The following GALNT13 variants were observed in gnomAD, a reference collection of about 807,000 sequenced individuals.
GALNT13 encodes the protein polypeptide N-acetylgalactosaminyltransferase 13, also known as UDP-GalNAc:polypeptide N-acetylgalactosaminyltransferase 13.
Under a neutral mutation model 64.2 loss-of-function variants are expected in GALNT13, and 28 were observed. The observed-to-expected ratio is 0.44, with a 90% CI of 0.32 to 0.60. GALNT13 has a LOEUF of 0.60. GALNT13 is among the 20% of genes least tolerant of loss of function. GALNT13 has a pLI of 0.05. For missense variants in GALNT13, 577 were observed against 669.8 expected (o/e 0.86, Z 1.53); for synonymous variants, 214 against 224.6 (o/e 0.95, Z 0.42).
chr2:154,278,837 G>A (rs149534636), intron 8 of GALNT13, among the ~76,000 whole-genome samples: 5 of 152,056 alleles, frequency 3.3e-5, no homozygotes, highest in African/African-American at 4.8e-5. Context: ...ACATTTGCCC[G>A]CAAATAAGAA....
At chr2:153,333,818 C>T in the GALNT13 span, among the ~76,000 whole-genome samples, 50 of 152,244 alleles carry the variant, frequency 3.3e-4, no homozygotes, top group South Asian at 1.5e-3. Context: ...TGCTTTTTAA[C>T]GCATTTATTC....
At chr2:153,649,328 T>C in the GALNT13 span, among the ~76,000 whole-genome samples, 1 of 152,156 alleles carries the variant, frequency 6.6e-6, no homozygotes. Context: ...TATCATTTTT[T>C]ATTGCGTCTG....
chr2:153,893,516 A>G (rs1322491280), intron 1 of GALNT13, among the ~76,000 whole-genome samples: 1 of 152,234 alleles, frequency 6.6e-6, no homozygotes, highest in South Asian at 2.1e-4. Context: ...AACAATGTTA[A>G]CATTTCACTG....
At chr2:154,145,096 C>CTA (rs1306928627) in intron 4 of GALNT13, among the ~76,000 whole-genome samples, 6,313 of 123,462 alleles carry the variant, frequency 0.051, 186 homozygotes, top group Non-Finnish European at 0.064. Flanking sequence ...ATCTATCTAT[C>CTA]TATCTATATA....
At chr2:153,691,575 G>A in the GALNT13 span, among the ~76,000 whole-genome samples, 1 of 151,688 alleles carries the variant, frequency 6.6e-6, no homozygotes, top group Admixed American at 6.6e-5. Flanking sequence ...AACCATTAGT[G>A]AAAAAAATGG....
chr2:153,847,779 G>T, the GALNT13 span, among the ~76,000 whole-genome samples: 9 of 152,184 alleles, frequency 5.9e-5, no homozygotes, highest in Non-Finnish European at 1.2e-4. Flanking sequence ...TTCCAGAAGT[G>T]CTCCTTAATT....
the GALNT13 span, among the ~76,000 whole-genome samples, chr2:153,608,657 CAT>C: frequency 4.7e-3 from 685 of 146,536 alleles, 5 homozygotes; most frequent in African/African-American, 0.016. Context: ...TATAGACAAA[CAT>C]ATTAATATAT....
the GALNT13 span, among the ~76,000 whole-genome samples, chr2:153,318,122 G>GTTTT: frequency 0.16 from 23,085 of 144,580 alleles, 2,157 homozygotes; most frequent in Non-Finnish European, 0.22. Context: ...TATTAGGAGA[G>GTTTT]TTTTTTTTTT....
At chr2:153,921,842 A>G (rs921215720) in intron 2 of GALNT13, among the ~76,000 whole-genome samples, 11 of 152,170 alleles carry the variant, frequency 7.2e-5, no homozygotes, top group Non-Finnish European at 1.2e-4. Flanking sequence ...AAAAACTGAA[A>G]TATAAAATCC....
chr2:153,884,396 T>C (rs552802305), intron 1 of GALNT13, among the ~76,000 whole-genome samples: 2 of 151,992 alleles, frequency 1.3e-5, no homozygotes, highest in African/African-American at 4.8e-5. Flanking sequence ...GATTCCATTG[T>C]AGAGCTAATA....
intron 2 of GALNT13, among the ~76,000 whole-genome samples, chr2:153,935,515 G>T (rs889887975): frequency 2.0e-4 from 30 of 152,228 alleles, no homozygotes; most frequent in African/African-American, 7.2e-4. Context: ...GATATCAGGA[G>T]AAGCAAGTGA....
chr2:153,320,925 C>T, the GALNT13 span, among the ~76,000 whole-genome samples: 1 of 152,144 alleles, frequency 6.6e-6, no homozygotes, highest in African/African-American at 2.4e-5. Context: ...ACTTCTCTAA[C>T]CTCCCACCTC....
chr2:154,182,660 A>G (rs1006653715), intron 4 of GALNT13, among the ~76,000 whole-genome samples: 2 of 148,402 alleles, frequency 1.3e-5, no homozygotes, highest in Non-Finnish European at 3.0e-5. Context: ...AAAAATATGT[A>G]TTATATTTAT....
the GALNT13 span, among the ~76,000 whole-genome samples, chr2:153,693,880 C>T: frequency 4.0e-5 from 6 of 151,858 alleles, no homozygotes; most frequent in Non-Finnish European, 7.4e-5. Flanking sequence ...TTTGGGAGGC[C>T]GAGGTGGGCG....
intron 3 of GALNT13, among the ~76,000 whole-genome samples, chr2:154,066,531 A>G (rs76900979): frequency 1.2e-4 from 19 of 152,136 alleles, no homozygotes; most frequent in Non-Finnish European, 2.6e-4. Flanking sequence ...GTCTGGCAGC[A>G]GACTTTTCAG....
chr2:153,525,779 A>G, the GALNT13 span, among the ~76,000 whole-genome samples: 1 of 152,098 alleles, frequency 6.6e-6, no homozygotes, highest in Non-Finnish European at 1.5e-5. Context: ...TAGTTCTTAG[A>G]TGGCATTTCT....
chr2:153,208,973 C>CTTTTTGTTTTTTTTTTTTTTT, the GALNT13 span, among the ~76,000 whole-genome samples: 1 of 74,682 alleles, frequency 1.3e-5, no homozygotes, highest in Non-Finnish European at 2.4e-5. Flanking sequence ...TGGTTTTGGT[C>CTTTTTGTTTTTTTTTTTTTTT]TTTTTTTTTT....
At chr2:153,106,150 C>A in the GALNT13 span, among the ~76,000 whole-genome samples, 19 of 152,260 alleles carry the variant, frequency 1.2e-4, no homozygotes, top group African/African-American at 4.6e-4. Flanking sequence ...TTACTTTTGA[C>A]AGTTGAGCTC....
chr2:153,521,915 G>A, the GALNT13 span, among the ~76,000 whole-genome samples: 1 of 151,844 alleles, frequency 6.6e-6, no homozygotes, highest in Middle Eastern at 3.2e-3. Context: ...CCATTGTCTG[G>A]GTGTACCACA....
Sources: allele counts gnomAD v4.1 joint callset (sites outside exome capture counted in the v4.1 genomes callset), GRCh38; gene constraint gnomAD v4.1.1; transcripts MANE v1.5; gene names NCBI Gene and HGNC (gene_info 2026-07-23, HGNC 2026-07-21).